Variants in NRG3 observed in about 807,000 individuals in gnomAD.
NRG3 encodes the protein neuregulin 3, also known as pro-neuregulin-3, membrane-bound isoform.
Under a neutral mutation model 66.9 loss-of-function variants are expected in NRG3, and 31 were observed. The ratio of observed to expected loss-of-function variants is 0.46; its 90% confidence interval spans 0.35 to 0.63. The LOEUF (loss-of-function observed/expected upper bound fraction) is 0.63. Among genes scored for constraint, NRG3 ranks in the 20% least tolerant of loss-of-function variants. The probability of loss-of-function intolerance (pLI) is 0.00; values close to 1 mark genes in which losing one functional copy is unlikely to be tolerated. For synonymous variants in NRG3, 393 were observed against 359.4 expected (o/e 1.09, Z -1.06); for missense variants, 910 against 878.9 (o/e 1.04, Z -0.45).
chr10:82,784,055 G>T (rs139193325), intron 3 of NRG3, among the ~76,000 whole-genome samples: 3 of 151,074 alleles, frequency 2.0e-5, no homozygotes, highest in Non-Finnish European at 4.4e-5. Context: ...ATAATGCTGC[G>T]TATCTACAAC....
chr10:82,665,832 C>T (rs531766085), intron 2 of NRG3, among the ~76,000 whole-genome samples: 8 of 152,232 alleles, frequency 5.3e-5, no homozygotes, highest in African/African-American at 1.9e-4. Context: ...TGGGCATCCA[C>T]TCTACTAGCT....
At chr10:82,616,847 A>T (rs1035381164) in intron 2 of NRG3, among the ~76,000 whole-genome samples, 1 of 152,078 alleles carries the variant, frequency 6.6e-6, no homozygotes. Flanking sequence ...TCTGGCCCAA[A>T]CCCTCTATTA....
intron 1 of NRG3, among the ~76,000 whole-genome samples, chr10:82,291,786 A>G (rs545646260): frequency 6.6e-6 from 1 of 152,278 alleles, no homozygotes; most frequent in Admixed American, 6.5e-5. Context: ...AAAAAACCCA[A>G]CTGAACCTCC....
At chr10:82,262,252 G>A (rs35115845) in intron 1 of NRG3, among the ~76,000 whole-genome samples, 13,574 of 152,234 alleles carry the variant, frequency 0.089, 770 homozygotes, top group Non-Finnish European at 0.14. Context: ...AACATAAATT[G>A]TGTCACAGAC....
intron 2 of NRG3, among the ~76,000 whole-genome samples, chr10:82,633,309 A>G (rs1036594336): frequency 1.3e-5 from 2 of 152,184 alleles, no homozygotes; most frequent in Admixed American, 6.5e-5. Context: ...ATAATCATTA[A>G]TCATATCTGG....
chr10:82,924,595 T>A (rs1846796400), intron 4 of NRG3, among the ~76,000 whole-genome samples: 1 of 149,434 alleles, frequency 6.7e-6, no homozygotes, highest in Admixed American at 6.7e-5. Flanking sequence ...AAAAAAAAGC[T>A]TTTAAAGATT....
chr10:82,093,349 G>A (rs1267037251), intron 1 of NRG3, among the ~76,000 whole-genome samples: 3 of 151,906 alleles, frequency 2.0e-5, no homozygotes, highest in Non-Finnish European at 2.9e-5. Context: ...ACTCATGTAC[G>A]CAAACATTTT....
intron 1 of NRG3, among the ~76,000 whole-genome samples, chr10:82,084,502 A>ACTT (rs11458166): frequency 0.2 from 28,308 of 145,098 alleles, 2,885 homozygotes; most frequent in East Asian, 0.33. Context: ...CATATATGAG[A>ACTT]TTTTTTTTTT....
intron 1 of NRG3, among the ~76,000 whole-genome samples, chr10:82,065,645 A>G (rs76873794): frequency 0.022 from 3,401 of 152,266 alleles, 149 homozygotes; most frequent in African/African-American, 0.077. Context: ...GAGAGTACAT[A>G]AAGAAAAATG....
chr10:82,737,633 G>A (rs1438872132), intron 2 of NRG3, among the ~76,000 whole-genome samples: 1 of 152,142 alleles, frequency 6.6e-6, no homozygotes, highest in African/African-American at 2.4e-5. Flanking sequence ...ACTCGAGCAT[G>A]ACAGATTAAG....
rs138623989 is a variant in NRG3 at position 82,246,181 on chromosome 10, AGTTTCT to A, written c.824-112555_824-112550del. Among the ~76,000 whole-genome samples the A allele has an allele frequency of 6.3e-3, 960 of 152,090 alleles. 7 individuals are homozygous for A. The highest frequency in any genetic ancestry group is 0.022 in the African/African-American group (925 of 41,496). On this transcript the variant is annotated intron_variant, in intron 1 of 8. Transcript: ENST00000372141. Reference sequence around the variant, plus strand: ...GAGTCTACACTTATATGTAAAAGGCAGTTTCTGTGTTAGCTGGTTTATTTTAAAAAG... The same window carrying A: ...GAGTCTACACTTATATGTAAAAGGCAGTGTTAGCTGGTTTATTTTAAAAAG...
intron 1 of NRG3, among the ~76,000 whole-genome samples, chr10:82,190,223 C>T (rs2074058116): frequency 6.6e-6 from 1 of 152,016 alleles, no homozygotes; most frequent in Non-Finnish European, 1.5e-5. Context: ...AAGCTTATCA[C>T]ATTGCCTGTC....
intron 4 of NRG3, among the ~76,000 whole-genome samples, chr10:82,944,491 C>T (rs1392839946): frequency 6.6e-6 from 1 of 152,092 alleles, no homozygotes; most frequent in African/African-American, 2.4e-5. Context: ...TTTCCAAGTT[C>T]AACTGGAAAA....
At chr10:82,210,020 G>T (rs1169052560) in intron 1 of NRG3, among the ~76,000 whole-genome samples, 6 of 152,146 alleles carry the variant, frequency 3.9e-5, no homozygotes, top group Non-Finnish European at 7.3e-5. Flanking sequence ...TCAAGGAAGG[G>T]TAGGATCAGC....
intron 1 of NRG3, among the ~76,000 whole-genome samples, chr10:82,245,978 G>GTTTT (rs372596396): frequency 0.013 from 1,375 of 102,998 alleles, 8 homozygotes; most frequent in Middle Eastern, 0.022. Context: ...CAGTCTTCTG[G>GTTTT]TTTTTTTTTT....
At chr10:82,596,124 T>C (rs966111685) in intron 2 of NRG3, among the ~76,000 whole-genome samples, 1 of 152,202 alleles carries the variant, frequency 6.6e-6, no homozygotes, top group Non-Finnish European at 1.5e-5. Flanking sequence ...CTAAATATAA[T>C]GAACATGCTT....
At chr10:82,441,260 A>G (rs1010801329) in intron 2 of NRG3, among the ~76,000 whole-genome samples, 1 of 152,266 alleles carries the variant, frequency 6.6e-6, no homozygotes, top group African/African-American at 2.4e-5. Context: ...CAATTTGTAT[A>G]TTGGTATTCA....
intron 1 of NRG3, among the ~76,000 whole-genome samples, chr10:82,116,045 C>G (rs963708816): frequency 6.6e-6 from 1 of 152,158 alleles, no homozygotes; most frequent in Admixed American, 6.6e-5. Flanking sequence ...GCTACACTTA[C>G]AAATTCTTGT....
intron 4 of NRG3, among the ~76,000 whole-genome samples, chr10:82,914,546 C>G (rs1440274584): frequency 6.6e-6 from 1 of 152,074 alleles, no homozygotes. Flanking sequence ...TCCCTGTTGT[C>G]CTTGGACTTC....
Sources: allele counts gnomAD v4.1 joint callset (sites outside exome capture counted in the v4.1 genomes callset), GRCh38; gene constraint gnomAD v4.1.1; transcripts MANE v1.5; gene names NCBI Gene and HGNC (gene_info 2026-07-23, HGNC 2026-07-21).